Variants in STXBP4 observed in about 807,000 individuals in gnomAD.
The protein encoded by STXBP4 is syntaxin binding protein 4.
Under a neutral mutation model 76.1 loss-of-function variants are expected in STXBP4, and 55 were observed. The observed-to-expected ratio is 0.72, with a 90% confidence interval of 0.58 to 0.91. STXBP4 has a LOEUF of 0.91. Ranked by LOEUF, STXBP4 falls within the 40% of genes least tolerant of loss-of-function variation. STXBP4 has a pLI of 0.00. For synonymous variants in STXBP4, 201 were observed against 220.2 expected (o/e 0.91, Z 0.77); for missense variants, 618 against 636.9 (o/e 0.97, Z 0.32).
At chr17:55,174,686 C>T (rs929061882), downstream of STXBP4, among the ~76,000 whole-genome samples, 11 of 152,142 alleles carry the variant, frequency 7.2e-5, no homozygotes, top group African/African-American at 1.4e-4. Flanking sequence ...CTTCCCTGCA[C>T]CTCAGGTTCT....
In STXBP4 at chr17:55,102,105, G is replaced by A. The variant is rs75131127; in HGVS notation, c.1489+20922G>A. On this transcript the variant is annotated intron_variant, in intron 16 of 17. Transcript: ENST00000376352. ...TTGAATGCCTGGTACATTGTATCTC[G>A]TTACTAGCAATTTGTGAACTCTCAT... 8.9e-4 allele frequency among the ~76,000 whole-genome samples: 134 copies of A among 150,878 alleles called. No individual in the cohort carries two copies. In the East Asian group the frequency reaches 0.011, roughly 13 times the overall value.
intron 8 of STXBP4, among the ~76,000 whole-genome samples, chr17:55,019,099 T>G (rs1046254227): frequency 1.3e-5 from 2 of 152,276 alleles, no homozygotes; most frequent in Non-Finnish European, 2.9e-5. Context: ...CCTACTAGTC[T>G]TATGTAAGAG....
intron 8 of STXBP4, 62 bp downstream of exon 8, chr17:55,007,659 T>C (rs1046390792): frequency 9.8e-6 from 13 of 1,320,160 alleles, no homozygotes; most frequent in Non-Finnish European, 1.4e-5. Flanking sequence ...AGTATTCTCC[T>C]TCTTTGAGAG....
In STXBP4 at chr17:54,983,114, G is replaced by T. The variant is rs117793529; in HGVS notation, c.-156-2500G>T. Among the ~76,000 whole-genome samples, 1,371 of 152,216 alleles carry T rather than the reference G, an allele frequency of 9.0e-3. 14 individuals carry two copies. Among genetic ancestry groups the T allele is most frequent in the South Asian group, 0.015 (74 of 4,806 alleles). Reference sequence around the variant, plus strand: ...AAGAAAATCCTGTAACATGGTGCCTGGCTGTATTCGTGTTTAATGATGACT... The same window carrying T: ...AAGAAAATCCTGTAACATGGTGCCTTGCTGTATTCGTGTTTAATGATGACT... On this transcript the variant is annotated intron_variant, in intron 1 of 17. Coordinates refer to ENST00000376352, the MANE Select transcript of STXBP4 (RefSeq NM_178509.6).
chr17:55,208,822 C>T, the STXBP4 span, among the ~76,000 whole-genome samples: 3 of 152,088 alleles, frequency 2.0e-5, no homozygotes, highest in African/African-American at 7.2e-5. Context: ...TGACTTACGC[C>T]TGTAATTCCA....
the STXBP4 span, among the ~76,000 whole-genome samples, chr17:55,208,577 A>AGAAGGAAGGAAG: frequency 0.018 from 1,607 of 90,392 alleles, 86 homozygotes; most frequent in African/African-American, 0.061. Context: ...GAGGGAGGGA[A>AGAAGGAAGGAAG]GAAGGAAGGA....
At chr17:55,041,225 A>G (rs897690321) in intron 10 of STXBP4, among the ~76,000 whole-genome samples, 11 of 146,914 alleles carry the variant, frequency 7.5e-5, no homozygotes, top group Admixed American at 3.4e-4. Flanking sequence ...AATTTTATTT[A>G]AACTTTTTTT....
At chr17:55,017,402 C>A (rs1475912240) in intron 8 of STXBP4, among the ~76,000 whole-genome samples, 1 of 152,150 alleles carries the variant, frequency 6.6e-6, no homozygotes, top group Non-Finnish European at 1.5e-5. Flanking sequence ...GGACAAGACT[C>A]CCTGGGTTTA....
At chr17:55,032,349 G>C (rs915362093) in intron 9 of STXBP4, among the ~76,000 whole-genome samples, 1 of 152,034 alleles carries the variant, frequency 6.6e-6, no homozygotes, top group Non-Finnish European at 1.5e-5. Context: ...ACAAGAAACA[G>C]AAAAACACAT....
intron 16 of STXBP4, among the ~76,000 whole-genome samples, chr17:55,121,906 G>A (rs772520245): frequency 3.9e-5 from 6 of 152,030 alleles, no homozygotes; most frequent in South Asian, 2.1e-4. Flanking sequence ...CCCCCAAGAC[G>A]AAATGTGTAG....
intron 16 of STXBP4, among the ~76,000 whole-genome samples, chr17:55,125,916 G>A (rs1037166979): frequency 1.3e-5 from 2 of 152,144 alleles, no homozygotes; most frequent in Non-Finnish European, 2.9e-5. Flanking sequence ...TGGAGACAGA[G>A]ACCCCCAAAT....
At chr17:55,029,147 TTAAAA>T (rs1286976573) in intron 8 of STXBP4, among the ~76,000 whole-genome samples, 1 of 152,108 alleles carries the variant, frequency 6.6e-6, no homozygotes. Flanking sequence ...CTGTTCACAG[TTAAAA>T]TAAGTGAACT....
Position 55,038,841 on chromosome 17 carries a change from T to C in STXBP4, c.856-4395T>C, listed in dbSNP as rs147191169. Among the ~76,000 whole-genome samples the C allele has an allele frequency of 2.4e-3, 362 of 152,180 alleles. 3 individuals carry two copies. The highest frequency in any genetic ancestry group is 8.6e-3 in the African/African-American group (356 of 41,488). ...ATAGATTTTTCACAGTTTGGGCTCTTGTTAAGTCAATTTAGTGGGCTGCGA... is the reference window on the plus strand; with the variant it reads ...ATAGATTTTTCACAGTTTGGGCTCTCGTTAAGTCAATTTAGTGGGCTGCGA... On this transcript the variant is annotated intron_variant, in intron 10 of 17. Transcript: ENST00000376352.
intron 8 of STXBP4, among the ~76,000 whole-genome samples, chr17:55,017,043 C>A (rs992849897): frequency 1.3e-5 from 2 of 152,140 alleles, no homozygotes; most frequent in Non-Finnish European, 2.9e-5. Context: ...AGGCTACACC[C>A]TTGTTTGCAC....
chr17:55,185,243 CT>C, the STXBP4 span, among the ~76,000 whole-genome samples: 2 of 51,264 alleles, frequency 3.9e-5, no homozygotes, highest in East Asian at 3.8e-4. Context: ...TCTTCTTCTT[CT>C]TCTTCTCCTT....
At chr17:55,006,537 A>G (rs760898238) in intron 7 of STXBP4, among the ~76,000 whole-genome samples, 1 of 152,220 alleles carries the variant, frequency 6.6e-6, no homozygotes, top group Non-Finnish European at 1.5e-5. Flanking sequence ...TTGGCATATT[A>G]AAACGTACAG....
chr17:55,199,366 C>T, the STXBP4 span, among the ~76,000 whole-genome samples: 1 of 152,292 alleles, frequency 6.6e-6, no homozygotes, highest in Admixed American at 6.5e-5. Flanking sequence ...GATCAAAGTC[C>T]TCCAACAATG....
rs572922653 is a variant in STXBP4 at position 54,974,446 on chromosome 17, C to T, written c.-157+5631C>T. The stretch of plus-strand genomic sequence containing the variant: ...GTGCCATCTTTTTGAGGAACTACTC[C>T]GTTTAAAAGCTCTTGATTAAGTTTA... On this transcript the variant is annotated intron_variant, in intron 1 of 17. Coordinates refer to ENST00000376352, the MANE Select transcript of STXBP4 (RefSeq NM_178509.6). Among the ~76,000 whole-genome samples, 9 of 152,262 alleles carry T rather than the reference C, an allele frequency of 5.9e-5. No individual in the cohort carries two copies. In the East Asian group the frequency reaches 1.2e-3, roughly 20 times the overall value.
intron 15 of STXBP4, 120 bp downstream of exon 15, chr17:55,078,855 T>G (rs1014377692): frequency 1.6e-6 from 1 of 638,382 alleles, no homozygotes; most frequent in Non-Finnish European, 2.8e-6. Flanking sequence ...TAACTCCCAT[T>G]GGATGCCATC....
Sources: gnomAD v4.1 joint callset for allele counts (sites outside exome capture counted in the v4.1 genomes callset) on GRCh38, gnomAD v4.1.1 for gene constraint, MANE v1.5 for transcripts, NCBI Gene and HGNC (gene_info 2026-07-23, HGNC 2026-07-21) for gene names.